Variants in WDSUB1 observed in about 807,000 individuals in gnomAD.
WDSUB1 encodes the protein WD repeat, SAM and U-box domain-containing protein 1.
WDSUB1 carries 49 observed loss-of-function variants against 53.9 expected under a neutral mutation model. That is an observed-to-expected ratio of 0.91 (90% CI 0.72 to 1.15). WDSUB1 has a LOEUF of 1.15. Ranked by LOEUF, WDSUB1 falls within the 50% of genes most tolerant of loss-of-function variation. The pLI is 0.00. For synonymous variants in WDSUB1, 194 were observed against 200.6 expected (o/e 0.97, Z 0.28); for missense variants, 514 against 562.0 (o/e 0.91, Z 0.86).
intron 2 of WDSUB1, among the ~76,000 whole-genome samples, chr2:159,281,655 G>A (rs988543632): frequency 6.6e-6 from 1 of 152,130 alleles, no homozygotes; most frequent in Non-Finnish European, 1.5e-5. Context: ...TCTCTTAGCT[G>A]AGCTTTACAT....
intron 3 of WDSUB1, among the ~76,000 whole-genome samples, chr2:159,278,907 G>A (rs2061596650): frequency 6.6e-6 from 1 of 152,076 alleles, no homozygotes; most frequent in South Asian, 2.1e-4. Context: ...GGCCATATGT[G>A]GGTATCAAAG....
At chr2:159,282,196 AAT>A (rs143945867) in intron 2 of WDSUB1, among the ~76,000 whole-genome samples, 12,322 of 127,826 alleles carry the variant, frequency 0.096, 1,106 homozygotes, top group African/African-American at 0.21. Flanking sequence ...AGTTAAAAAA[AAT>A]TTTTTTTTTT....
intron 5 of WDSUB1, among the ~76,000 whole-genome samples, chr2:159,267,315 TAA>T (rs1229796622): frequency 7.4e-6 from 1 of 134,810 alleles, no homozygotes; most frequent in Admixed American, 7.3e-5. Context: ...TTTTTTTTTT[TAA>T]AGAGACAAGT....
intron 10 of WDSUB1, among the ~76,000 whole-genome samples, chr2:159,238,597 T>A (rs2060551082): frequency 6.6e-6 from 1 of 152,222 alleles, no homozygotes. Flanking sequence ...TGATTTTAAA[T>A]GCTATCTTTA....
chr2:159,254,934 C>A (rs1440654071), intron 9 of WDSUB1, among the ~76,000 whole-genome samples: 1 of 152,142 alleles, frequency 6.6e-6, no homozygotes, highest in African/African-American at 2.4e-5. Flanking sequence ...AGTTTAAGAC[C>A]AGCCTGGGCA....
intron 5 of WDSUB1, among the ~76,000 whole-genome samples, chr2:159,264,038 A>C (rs2061282822): frequency 6.6e-6 from 1 of 152,230 alleles, no homozygotes; most frequent in South Asian, 2.1e-4. Context: ...GTTAAGTGGC[A>C]AGGCTGGGGT....
Position 159,286,663 on chromosome 2 carries a change from G to C in WDSUB1, c.-105C>G, listed in dbSNP as rs2061809069. 6.6e-6 allele frequency: 1 copy of C among 152,472 alleles called. No homozygotes were observed. The highest frequency in any genetic ancestry group is 2.4e-5 in the African/African-American group (1 of 41,446). The allele number at this position is 152,472 out of a possible 1,614,324, so 9.4% of individuals were successfully genotyped here. A position where few individuals can be genotyped will look rare whatever the true frequency, so the allele number is the denominator to read the frequency against. On this transcript the variant is annotated 5_prime_UTR_variant, in exon 1 of 11. Transcript: ENST00000359774. ...GTCACGTGCCGCGCAGGTGAGGCTG[G>C]CGGGGCGGGCGCCGGCGGAGACCCA...
chr2:159,247,905 AT>A (rs1559531933), intron 10 of WDSUB1, among the ~76,000 whole-genome samples: 40 of 18,102 alleles, frequency 2.2e-3, no homozygotes, highest in East Asian at 5.5e-3. Context: ...ATATATATAT[AT>A]ATAAATATAT....
chr2:159,252,237 G>C (rs1356094356), intron 9 of WDSUB1, among the ~76,000 whole-genome samples: 1 of 152,196 alleles, frequency 6.6e-6, no homozygotes, highest in Non-Finnish European at 1.5e-5. Flanking sequence ...ATAGATACAT[G>C]AGGAATTTTT....
chr2:159,235,970 T>C lies in WDSUB1; in HGVS notation c.*63A>G. On this transcript the variant is annotated 3_prime_UTR_variant, in exon 11 of 11. Transcript: ENST00000359774. ...TTTGCTTTTAATAATGTCTGATTAG[T>C]ATTTACCTATAAATCATTCAAATGA... 1 of 1,434,446 alleles carries C rather than the reference T, an allele frequency of 7.0e-7. No homozygotes were observed. The highest frequency in any genetic ancestry group is 9.3e-7 in the Non-Finnish European group (1 of 1,077,936). 88.9% of individuals were successfully genotyped at this position (1,434,446 alleles called of 1,614,324 possible).
At chr2:159,259,876 C>T in intron 5 of WDSUB1, 33 bp from the exon 6 acceptor site, 1 of 1,476,430 alleles carries the variant, frequency 6.8e-7, no homozygotes. Flanking sequence ...GTGAAAAGTT[C>T]TATAAAAACA....
intron 5 of WDSUB1, among the ~76,000 whole-genome samples, chr2:159,267,297 T>A (rs11692684): frequency 0.38 from 52,875 of 138,990 alleles, 12,201 homozygotes; most frequent in Non-Finnish European, 0.54. Flanking sequence ...ACCTCTTTTT[T>A]CTTTCTTTTT....
chr2:159,245,581 A>C, intron 10 of WDSUB1, among the ~76,000 whole-genome samples: 1 of 152,102 alleles, frequency 6.6e-6, no homozygotes, highest in East Asian at 1.9e-4. Context: ...GCACTGTGGT[A>C]ACCGGCCCCC....
intron 4 of WDSUB1, among the ~76,000 whole-genome samples, chr2:159,274,585 G>GA (rs781405851): frequency 6.6e-6 from 1 of 152,056 alleles, no homozygotes; most frequent in Non-Finnish European, 1.5e-5. Flanking sequence ...TATCCCTGGC[G>GA]AAACCTTTCA....
At chr2:159,270,136 T>C (rs540042244) in intron 5 of WDSUB1, among the ~76,000 whole-genome samples, 1 of 152,336 alleles carries the variant, frequency 6.6e-6, no homozygotes, top group African/African-American at 2.4e-5. Flanking sequence ...TTCCATTATA[T>C]ATTTCCTTAT....
chr2:159,271,544 T>A (rs1344610961), intron 5 of WDSUB1, among the ~76,000 whole-genome samples, 158 bp downstream of exon 5: 1 of 152,220 alleles, frequency 6.6e-6, no homozygotes, highest in African/African-American at 2.4e-5. Flanking sequence ...AAAGGGGCAC[T>A]TGCAAGGGGA....
intron 2 of WDSUB1, among the ~76,000 whole-genome samples, chr2:159,280,899 T>G (rs2061651310): frequency 6.6e-6 from 1 of 152,104 alleles, no homozygotes; most frequent in Non-Finnish European, 1.5e-5. Flanking sequence ...AGGGTATCTA[T>G]CATTTATATA....
intron 5 of WDSUB1, among the ~76,000 whole-genome samples, chr2:159,264,857 GC>G (rs1309249607): frequency 6.6e-6 from 1 of 152,126 alleles, no homozygotes; most frequent in Non-Finnish European, 1.5e-5. Context: ...GCTGAGGTAG[GC>G]GGATCACCTG....
chr2:159,282,697 T>TCCACAAAACCA lies in WDSUB1; in HGVS notation c.362_372dup (p.Asn125TrpfsTer43), dbSNP rs1225224628. On this transcript the variant is annotated frameshift_variant, in exon 2 of 11. Transcript: ENST00000359774. LOFTEE classifies it high-confidence loss of function. ...CTATATAATTTGTATGACTGTGCATTCCACAAAACCACAGTTCCATCAGCT... is the reference window on the plus strand; with the variant it reads ...CTATATAATTTGTATGACTGTGCATTCCACAAAACCACCACAAAACCACAGTTCCATCAGCT... The TCCACAAAACCA allele has an allele frequency of 6.2e-7, 1 of 1,613,408 alleles. No homozygotes were observed. Among genetic ancestry groups the TCCACAAAACCA allele is most frequent in the Non-Finnish European group, 8.5e-7 (1 of 1,179,372 alleles).
Sources: allele counts gnomAD v4.1 joint callset (sites outside exome capture counted in the v4.1 genomes callset), GRCh38; gene constraint gnomAD v4.1.1; transcripts MANE v1.5; gene names NCBI Gene and HGNC (gene_info 2026-07-23, HGNC 2026-07-21).